Variants in CTNND2 observed in about 807,000 individuals in gnomAD.
CTNND2 encodes catenin delta 2, also known as catenin delta-2.
Under a neutral mutation model 144.4 loss-of-function variants are expected in CTNND2, and 22 were observed. The ratio of observed to expected loss-of-function variants is 0.15; its 90% CI spans 0.11 to 0.22. The LOEUF (loss-of-function observed/expected upper bound fraction) is 0.22, where lower values mean the gene tolerates loss of function less well. CTNND2 is among the 10% of genes least tolerant of loss of function. CTNND2 has a pLI of 1.00. For missense variants in CTNND2, 1,353 were observed against 1,618.8 expected (o/e 0.84, Z 2.82); for synonymous variants, 751 against 695.6 (o/e 1.08, Z -1.25).
At chr5:11,797,995 C>T (rs372712850) in intron 1 of CTNND2, among the ~76,000 whole-genome samples, 20 of 152,118 alleles carry the variant, frequency 1.3e-4, no homozygotes, top group Non-Finnish European at 2.4e-4. Context: ...TGGTGGCTCA[C>T]GCCTGTAATC....
At chr5:11,066,166 A>G (rs1046932289) in intron 16 of CTNND2, among the ~76,000 whole-genome samples, 1 of 151,966 alleles carries the variant, frequency 6.6e-6, no homozygotes, top group African/African-American at 2.4e-5. Flanking sequence ...CAGCCTCCCA[A>G]GTAGCTGGGA....
At chr5:11,381,929 G>A (rs921971245) in intron 7 of CTNND2, among the ~76,000 whole-genome samples, 6 of 151,924 alleles carry the variant, frequency 3.9e-5, no homozygotes, top group Admixed American at 1.3e-4. Context: ...ATCACGCCAC[G>A]GCACTCTAGC....
chr5:11,227,212 T>G (rs1740451173), intron 10 of CTNND2, among the ~76,000 whole-genome samples: 1 of 152,224 alleles, frequency 6.6e-6, no homozygotes, highest in Non-Finnish European at 1.5e-5. Flanking sequence ...CAGCACATGC[T>G]AAAAATAACT....
intron 1 of CTNND2, among the ~76,000 whole-genome samples, chr5:11,745,307 C>T (rs890836105): frequency 3.9e-5 from 6 of 152,076 alleles, no homozygotes; most frequent in African/African-American, 1.2e-4. Flanking sequence ...ATGCGCCCTT[C>T]GTGGGATACT....
chr5:11,269,151 G>A (rs957934079), intron 9 of CTNND2, among the ~76,000 whole-genome samples: 3 of 152,182 alleles, frequency 2.0e-5, no homozygotes, highest in Admixed American at 6.5e-5. Context: ...GATTTAGTTT[G>A]CTCAGCTGTA....
chr5:11,803,857 CT>C (rs946537928), intron 1 of CTNND2, among the ~76,000 whole-genome samples: 25 of 150,370 alleles, frequency 1.7e-4, no homozygotes, highest in Middle Eastern at 6.9e-3. Context: ...TGAAATTTTT[CT>C]TTTTTTTTTC....
At chr5:11,609,114 C>G (rs1298950004) in intron 2 of CTNND2, among the ~76,000 whole-genome samples, 1 of 152,186 alleles carries the variant, frequency 6.6e-6, no homozygotes, top group Non-Finnish European at 1.5e-5. Flanking sequence ...CTGCCCAAGT[C>G]TCTCTGGTTC....
At chr5:11,746,203 C>T (rs540444122) in intron 1 of CTNND2, among the ~76,000 whole-genome samples, 7 of 152,274 alleles carry the variant, frequency 4.6e-5, no homozygotes, top group East Asian at 1.9e-4. Context: ...GTTGTGAACA[C>T]GCAGAGTTCT....
intron 3 of CTNND2, among the ~76,000 whole-genome samples, chr5:11,471,605 G>C (rs115575735): frequency 0.014 from 2,123 of 152,264 alleles, 50 homozygotes; most frequent in African/African-American, 0.049. Context: ...ATACTAATTA[G>C]TGTGTCCTCT....
chr5:11,075,948 C>T (rs909987064), intron 16 of CTNND2, among the ~76,000 whole-genome samples: 1 of 152,218 alleles, frequency 6.6e-6, no homozygotes, highest in African/African-American at 2.4e-5. Flanking sequence ...CAGATCTGCT[C>T]TTTGAATAAA....
chr5:11,284,580 A>G (rs1440806057), intron 9 of CTNND2, among the ~76,000 whole-genome samples: 4 of 152,166 alleles, frequency 2.6e-5, no homozygotes, highest in Non-Finnish European at 4.4e-5. Context: ...AAGTCCCTGC[A>G]AAGGACATGA....
intron 16 of CTNND2, among the ~76,000 whole-genome samples, chr5:11,024,403 G>A (rs962887048): frequency 6.6e-6 from 1 of 152,144 alleles, no homozygotes; most frequent in African/African-American, 2.4e-5. Flanking sequence ...ACCTAAAATA[G>A]TTTATCTATT....
chr5:11,229,595 A>G (rs1740751884), intron 10 of CTNND2, among the ~76,000 whole-genome samples: 1 of 151,920 alleles, frequency 6.6e-6, no homozygotes, highest in Admixed American at 6.6e-5. Flanking sequence ...AAAATGTGCA[A>G]ACACTTTTAA....
At chr5:11,598,954 G>A (rs1040957360) in intron 2 of CTNND2, among the ~76,000 whole-genome samples, 3 of 152,248 alleles carry the variant, frequency 2.0e-5, no homozygotes, top group East Asian at 3.9e-4. Flanking sequence ...TCACAATTAC[G>A]TCAGAAGGCG....
chr5:11,191,102 C>T lies in CTNND2; in HGVS notation c.1975+8346G>A, dbSNP rs543664200. On this transcript the variant is annotated intron_variant, in intron 11 of 21. Transcript: ENST00000304623. ...TGCTGGAAAAATGCATTTCTCAGGG[C>T]CTAGAGCAGGAGCAAGCAGAGACAG... Among the ~76,000 whole-genome samples the T allele has an allele frequency of 7.2e-5, 11 of 152,226 alleles. No homozygotes were observed. The South Asian group carries it at 2.3e-3, about 32-fold the overall frequency.
intron 2 of CTNND2, among the ~76,000 whole-genome samples, chr5:11,627,521 C>T (rs1264222462): frequency 6.6e-6 from 1 of 151,906 alleles, no homozygotes; most frequent in Non-Finnish European, 1.5e-5. Context: ...TGGTTGAAAT[C>T]CTGCAGACAA....
intron 15 of CTNND2, among the ~76,000 whole-genome samples, chr5:11,084,453 C>A (rs1244388210): frequency 6.6e-6 from 1 of 152,178 alleles, no homozygotes; most frequent in Non-Finnish European, 1.5e-5. Flanking sequence ...CCCACTTAAT[C>A]CTGGGATCTT....
At chr5:11,848,112 T>G (rs1439279676) in intron 1 of CTNND2, among the ~76,000 whole-genome samples, 1 of 152,120 alleles carries the variant, frequency 6.6e-6, no homozygotes, top group African/African-American at 2.4e-5. Context: ...AAGGCAAAAG[T>G]TTGCCCTCTA....
intron 13 of CTNND2, among the ~76,000 whole-genome samples, chr5:11,112,224 A>C (rs1285886443): frequency 6.6e-6 from 1 of 152,132 alleles, no homozygotes; most frequent in Non-Finnish European, 1.5e-5. Flanking sequence ...TTGTTAAGCT[A>C]ATCAGCTGCT....
Sources: gnomAD v4.1 joint callset for allele counts (sites outside exome capture counted in the v4.1 genomes callset) on GRCh38, gnomAD v4.1.1 for gene constraint, MANE v1.5 for transcripts, NCBI Gene and HGNC (gene_info 2026-07-23, HGNC 2026-07-21) for gene names.